Variants in TTL observed in about 807,000 individuals in gnomAD.
The protein encoded by TTL is tubulin tyrosine ligase, also known as tubulin--tyrosine ligase.
In TTL, 10 loss-of-function variants were observed where a neutral mutation model predicts 41.1. The observed-to-expected ratio is 0.24, with a 90% CI of 0.15 to 0.41. The LOEUF is 0.41. TTL is among the 10% of genes least tolerant of loss of function. The pLI is 1.00. For synonymous variants in TTL, 175 were observed against 175.5 expected, an observed-to-expected ratio of 1.00 and a Z score of 0.02; for missense variants, 367 against 460.4, an observed-to-expected ratio of 0.80 and a Z score of 1.86.
chr2:112,518,767 T>C (rs1386592681), intron 5 of TTL, among the ~76,000 whole-genome samples: 2 of 150,948 alleles, frequency 1.3e-5, no homozygotes, highest in Admixed American at 6.6e-5. Flanking sequence ...CTCTGCCCCC[T>C]GTGTTCAAGC....
Position 112,503,000 on chromosome 2 carries a change from A to G in TTL, c.694A>G (p.Asn232Asp), listed in dbSNP as rs775959144. ...TGCTTCAGAACCATATCATGTTGAT[A>G]ATTTCCAAGACAAAACCTGCCATTT... ...RTASEPYHVDNFQDKTCHLTN... is the reference protein window; with the variant it reads ...RTASEPYHVDDFQDKTCHLTN... The change falls in exon 5 of 7, where the codon AAT becomes GAT. Residue 232 changes from asparagine to aspartate, a missense_variant. By Grantham distance (23) the Asn-to-Asp change is conservative. Coordinates refer to ENST00000233336, the MANE Select transcript of TTL (RefSeq NM_153712.5). 1 of 1,614,148 alleles carries G rather than the reference A, an allele frequency of 6.2e-7. No individual in the cohort carries two copies. Among genetic ancestry groups the G allele is most frequent in the Admixed American group, 1.7e-5 (1 of 60,018 alleles).
intron 2 of TTL, among the ~76,000 whole-genome samples, chr2:112,489,670 A>C (rs1169891240): frequency 2.0e-5 from 3 of 152,230 alleles, no homozygotes; most frequent in Admixed American, 2.0e-4. Flanking sequence ...CATTTTTTGC[A>C]TACTGAATCA....
At chr2:112,498,921 C>T (rs6720887) in intron 3 of TTL, among the ~76,000 whole-genome samples, 24,798 of 151,816 alleles carry the variant, frequency 0.16, 2,291 homozygotes, top group East Asian at 0.3. Context: ...ATAGCTTAAA[C>T]ATCTTGAAAA....
In TTL at chr2:112,537,876, A is replaced by G. The variant is rs545067788; in HGVS notation, c.*9081A>G. The G allele has an allele frequency of 1.3e-5, 2 of 152,338 alleles. No homozygotes were observed. The highest frequency in any genetic ancestry group is 1.9e-4 in the East Asian group (1 of 5,192). 9.4% of individuals were successfully genotyped at this position (152,338 alleles called of 1,614,324 possible). ...CACTATAAACCAACTAGACTTGACAAATATCTACAAGGCACTCCACCCAAC... is the reference window on the plus strand; with the variant it reads ...CACTATAAACCAACTAGACTTGACAGATATCTACAAGGCACTCCACCCAAC... On this transcript the variant is annotated 3_prime_UTR_variant, in exon 7 of 7. Coordinates refer to ENST00000233336, the MANE Select transcript of TTL (RefSeq NM_153712.5).
At position 112,528,539 on chromosome 2, in the gene TTL, G is replaced by A. The variant is rs1574074900; in HGVS notation, c.1020-142G>A. The stretch of plus-strand genomic sequence containing the variant: ...CCCTTGAGCCCAGGAATTTGAGGCT[G>A]CAGTGTATGTACCATGATCGCACCA... On this transcript the variant is annotated intron_variant, in intron 6 of 6. Coordinates refer to ENST00000233336, the MANE Select transcript of TTL (RefSeq NM_153712.5). The A allele has an allele frequency of 4.6e-6, 3 of 649,170 alleles. No individual in the cohort carries two copies. The South Asian group carries it at 5.7e-5, about 12-fold the overall frequency. 40.2% of individuals were successfully genotyped at this position (649,170 alleles called of 1,614,324 possible). A position where few individuals can be genotyped will look rare whatever the true frequency, so the allele number is the denominator to read the frequency against.
In TTL at chr2:112,482,294, G is replaced by T; in HGVS notation, c.-51G>T. 2 of 1,337,966 alleles carry T rather than the reference G, an allele frequency of 1.5e-6. No homozygotes were observed. The highest frequency in any genetic ancestry group is 9.8e-7 in the Non-Finnish European group (1 of 1,024,700). 82.9% of individuals were successfully genotyped at this position (1,337,966 alleles called of 1,614,324 possible). ...TCCGCGCTGAGCCGCCTTCTCGGCC[G>T]CCTGGTCCCTGCGGCGGCTGCCCGG... is the stretch of plus-strand genomic sequence containing the variant. On this transcript the variant is annotated 5_prime_UTR_variant, in exon 1 of 7. Coordinates refer to ENST00000233336, the MANE Select transcript of TTL (RefSeq NM_153712.5). The surrounding 1 kb of genome is among the most constrained non-coding windows in gnomAD (Gnocchi z 5.3).
chr2:112,503,187 T>G lies in TTL; in HGVS notation c.875+6T>G, dbSNP rs373339834. The G allele has an allele frequency of 1.9e-6, 3 of 1,572,100 alleles. No homozygotes were observed. Among genetic ancestry groups the G allele is most frequent in the African/African-American group, 1.4e-5 (1 of 73,866 alleles). ...CAAATCAAACATATAATAAGGTAAC[T>G]TAATTGTATCTTTTTGGATTACGTG... On this transcript the variant is annotated splice_donor_region_variant and intron_variant, in intron 5 of 6. Coordinates refer to ENST00000233336, the MANE Select transcript of TTL (RefSeq NM_153712.5).
chr2:112,514,500 T>C (rs1217002171), intron 5 of TTL, among the ~76,000 whole-genome samples: 2 of 152,240 alleles, frequency 1.3e-5, no homozygotes, highest in Admixed American at 1.3e-4. Context: ...GCTCTGGACA[T>C]AGATTTCTAG....
intron 2 of TTL, among the ~76,000 whole-genome samples, chr2:112,490,568 CTTTTTT>C (rs35722764): frequency 0.16 from 18,044 of 110,660 alleles, 1,186 homozygotes; most frequent in East Asian, 0.31. Flanking sequence ...CTTAGTAAAT[CTTTTTT>C]TTTTTTTTTT....
intron 6 of TTL, among the ~76,000 whole-genome samples, chr2:112,525,667 C>A (rs1333075581): frequency 6.6e-6 from 1 of 152,166 alleles, no homozygotes; most frequent in Non-Finnish European, 1.5e-5. Flanking sequence ...AGTTGCTTAT[C>A]AGCTTAAGGA....
At chr2:112,525,230 C>G (rs1234621358) in intron 6 of TTL, among the ~76,000 whole-genome samples, 2 of 152,188 alleles carry the variant, frequency 1.3e-5, no homozygotes, top group Admixed American at 6.5e-5. Flanking sequence ...AGGGTGATGC[C>G]TCCAGCTTTG....
Position 112,485,937 on chromosome 2 carries a change from C to T in TTL, c.178C>T (p.Gln60Ter), listed in dbSNP as rs1447655705. Residue 60 changes from glutamine to a stop codon, truncating the protein, a stop_gained, in exon 2 of 7, where the codon CAG (glutamine) becomes TAG (stop). Transcript: ENST00000233336. LOFTEE classifies it high-confidence loss of function. ...CCTAGGTCACGAGCCCGGGCTGGTA[C>T]AGTTGGTGAATTACTACAGGGGTGC... ...GRLGHEPGLV[Q>*]LVNYYRGADK... The T allele has an allele frequency of 6.2e-7, 1 of 1,614,130 alleles. No individual in the cohort carries two copies. Among genetic ancestry groups the T allele is most frequent in the Admixed American group, 1.7e-5 (1 of 60,010 alleles).
chr2:112,482,551 G>A lies in TTL; in HGVS notation c.157+50G>A. The A allele has an allele frequency of 1.3e-6, 2 of 1,518,378 alleles. No homozygotes were observed. Among genetic ancestry groups the A allele is most frequent in the South Asian group, 1.2e-5 (1 of 81,078 alleles). The allele number at this position is 1,518,378 out of a possible 1,614,324, so 94.1% of individuals were successfully genotyped here. ...TGCCCTCCTCGGAGCGGCCCTGCGCGCCTCCCGCGGCCCGTTAGAACCGGC... is the reference window on the plus strand; with the variant it reads ...TGCCCTCCTCGGAGCGGCCCTGCGCACCTCCCGCGGCCCGTTAGAACCGGC... On this transcript the variant is annotated intron_variant, in intron 1 of 6. Coordinates refer to ENST00000233336, the MANE Select transcript of TTL (RefSeq NM_153712.5). This position sits in a 1 kb window ranked among gnomAD's most constrained non-coding sequence, Gnocchi z 5.3.
intron 5 of TTL, among the ~76,000 whole-genome samples, chr2:112,518,480 A>G (rs1168568996): frequency 6.6e-6 from 1 of 152,030 alleles, no homozygotes; most frequent in Non-Finnish European, 1.5e-5. Context: ...TGTATCAATT[A>G]AAATATTTTT....
At chr2:112,509,042 C>T in intron 5 of TTL, among the ~76,000 whole-genome samples, 1 of 96,886 alleles carries the variant, frequency 1.0e-5, no homozygotes, top group African/African-American at 4.4e-5. Context: ...CAGACAGGAC[C>T]CTCAGCTGCA....
chr2:112,538,065 T>G lies in TTL; in HGVS notation c.*9270T>G, dbSNP rs1218740286. The G allele has an allele frequency of 6.6e-6, 1 of 152,244 alleles. No homozygotes were observed. Among genetic ancestry groups the G allele is most frequent in the Non-Finnish European group, 1.5e-5 (1 of 68,038 alleles). 9.4% of individuals were successfully genotyped at this position (152,244 alleles called of 1,614,324 possible). ...AAAATCAGAAATCAGTAACAAATTTTGTTAATTTCTGTATTAATGAAGAAA... is the reference window on the plus strand; with the variant it reads ...AAAATCAGAAATCAGTAACAAATTTGGTTAATTTCTGTATTAATGAAGAAA... On this transcript the variant is annotated 3_prime_UTR_variant, in exon 7 of 7. Coordinates refer to ENST00000233336, the MANE Select transcript of TTL (RefSeq NM_153712.5).
rs951132680 is a variant in TTL, at chr2:112,534,539, T to C, written c.*5744T>C. ...AAGCTTCATTACCAGAGAATTGCCATTTGGCCTTTTTGGTAGTTCCATGTA... is the reference window on the plus strand; with the variant it reads ...AAGCTTCATTACCAGAGAATTGCCACTTGGCCTTTTTGGTAGTTCCATGTA... On this transcript the variant is annotated 3_prime_UTR_variant, in exon 7 of 7. Coordinates refer to ENST00000233336, the MANE Select transcript of TTL (RefSeq NM_153712.5). 7 of 152,494 alleles carry C rather than the reference T, an allele frequency of 4.6e-5. No homozygotes were observed. The highest frequency in any genetic ancestry group is 1.7e-4 in the African/African-American group (7 of 41,452). The allele number at this position is 152,494 out of a possible 1,614,324, so 9.4% of individuals were successfully genotyped here.
intron 6 of TTL, among the ~76,000 whole-genome samples, chr2:112,521,627 T>G (rs1682233730): frequency 6.6e-6 from 1 of 152,254 alleles, no homozygotes; most frequent in East Asian, 1.9e-4. Flanking sequence ...GATTCCATCT[T>G]GTTCATCAGT....
At chr2:112,486,568 A>G (rs967252184) in intron 2 of TTL, among the ~76,000 whole-genome samples, 11 of 152,214 alleles carry the variant, frequency 7.2e-5, no homozygotes, top group Non-Finnish European at 1.6e-4. Flanking sequence ...ATATCTGGGC[A>G]GGGTATAAGA....
Sources: gnomAD v4.1 joint callset for allele counts (sites outside exome capture counted in the v4.1 genomes callset) on GRCh38, gnomAD v4.1.1 for gene constraint, Gnocchi (gnomAD v3.1) non-coding constraint, MANE v1.5 for transcripts, NCBI Gene and HGNC (gene_info 2026-07-23, HGNC 2026-07-21) for gene names.